Variants in ANK3 observed in about 807,000 individuals in gnomAD.
The protein encoded by ANK3 is ankyrin-3.
In ANK3, 57 loss-of-function variants were observed where a neutral mutation model predicts 370.9. That is an observed-to-expected ratio of 0.15 (90% CI 0.12 to 0.19). The LOEUF (loss-of-function observed/expected upper bound fraction) is 0.19. Ranked by LOEUF, ANK3 falls within the 10% of genes least tolerant of loss-of-function variation. The pLI, the probability that ANK3 is intolerant of heterozygous loss-of-function variation, is 1.00. For missense variants in ANK3, 4,439 were observed against 5,302.1 expected (o/e 0.84, Z 5.06); for synonymous variants, 1,929 against 1,946.3 (o/e 0.99, Z 0.23).
At chr10:60,266,140 A>T (rs1464502022) in intron 5 of ANK3, among the ~76,000 whole-genome samples, 1 of 152,206 alleles carries the variant, frequency 6.6e-6, no homozygotes, top group Non-Finnish European at 1.5e-5. Flanking sequence ...GATAACAAAC[A>T]GGGAAAGACT....
intron 18 of ANK3, among the ~76,000 whole-genome samples, chr10:60,173,762 G>A (rs1049985215): frequency 2.6e-5 from 4 of 152,152 alleles, no homozygotes; most frequent in Non-Finnish European, 5.9e-5. Context: ...TTCCTACCTA[G>A]AGTCCCAGAG....
intron 1 of ANK3, among the ~76,000 whole-genome samples, chr10:60,632,762 T>C (rs547964536): frequency 6.6e-6 from 1 of 152,094 alleles, no homozygotes; most frequent in African/African-American, 2.4e-5. Context: ...CAGTGGCTCA[T>C]ACCTATAGTA....
At chr10:60,043,141 A>G (rs928657885) in intron 42 of ANK3, 1 of 996,270 alleles carries the variant, frequency 1.0e-6, no homozygotes, top group African/African-American at 1.7e-5. Flanking sequence ...GTACTAATCC[A>G]TGGAAATGCT....
chr10:60,618,161 C>T (rs903108401), intron 1 of ANK3, among the ~76,000 whole-genome samples: 2 of 152,116 alleles, frequency 1.3e-5, no homozygotes, highest in Non-Finnish European at 2.9e-5. Context: ...AATGCACACC[C>T]ACGTTATCTG....
At chr10:60,529,150 C>T (rs1166550909) in intron 2 of ANK3, among the ~76,000 whole-genome samples, 1 of 152,042 alleles carries the variant, frequency 6.6e-6, no homozygotes, top group East Asian at 1.9e-4. Flanking sequence ...ACAGCAGTTG[C>T]TCTCCCGAGA....
At position 60,512,699 on chromosome 10, in the gene ANK3, A is replaced by G. The variant is rs12249253; in HGVS notation, c.96+102487T>C. On this transcript the variant is annotated intron_variant, in intron 2 of 43. Coordinates refer to the ANK3 transcript ENST00000373827. ...GAAAAATTGTCCTTGAGGGAATAAG[A>G]TTTTTTAGAATATTACTGACTATGG... Among the ~76,000 whole-genome samples the G allele has an allele frequency of 3.9e-3, 595 of 152,238 alleles. 3 individuals are homozygous for G. The highest frequency in any genetic ancestry group is 0.013 in the African/African-American group (542 of 41,550).
At chr10:60,341,106 T>C (rs2054186361) in intron 1 of ANK3, among the ~76,000 whole-genome samples, 1 of 152,176 alleles carries the variant, frequency 6.6e-6, no homozygotes, top group African/African-American at 2.4e-5. Flanking sequence ...TCCTCAGTCA[T>C]TGATGCTGCT....
chr10:60,684,510 G>A (rs2133394795), intron 1 of ANK3: 1 of 1,495,584 alleles, frequency 6.7e-7, no homozygotes, highest in East Asian at 2.3e-5. Flanking sequence ...TGGAAATGGG[G>A]AATGGACTAT....
intron 7 of ANK3, among the ~76,000 whole-genome samples, chr10:60,242,407 A>C (rs2097479311): frequency 6.6e-6 from 1 of 152,198 alleles, no homozygotes; most frequent in Non-Finnish European, 1.5e-5. Context: ...TCCAAAAATA[A>C]AGATGACTTT....
At chr10:60,481,479 T>A (rs1025106837) in intron 2 of ANK3, among the ~76,000 whole-genome samples, 11 of 146,790 alleles carry the variant, frequency 7.5e-5, no homozygotes, top group Non-Finnish European at 9.0e-5. Context: ...ATATATATAT[T>A]TGAGATAGAG....
chr10:60,171,709 A>G (rs2095798912), intron 21 of ANK3, among the ~76,000 whole-genome samples: 1 of 152,198 alleles, frequency 6.6e-6, no homozygotes, highest in South Asian at 2.1e-4. Flanking sequence ...GCAGCTTGTA[A>G]AAATGTAGTT....
intron 1 of ANK3, among the ~76,000 whole-genome samples, chr10:60,687,210 T>C (rs2079279937): frequency 6.6e-6 from 1 of 152,186 alleles, no homozygotes. Context: ...CAACTGTATA[T>C]ATCGCAGTCC....
rs1447251850 is a variant in ANK3 at position 60,075,836 on chromosome 10, A to T, written c.5045T>A (p.Val1682Asp). 6.2e-7 allele frequency: 1 copy of T among 1,614,188 alleles called. No individual in the cohort carries two copies. The highest frequency in any genetic ancestry group is 1.7e-5 in the Admixed American group (1 of 60,026). The change falls in exon 37 of 44, where the codon GTT (valine) becomes GAT (aspartate). Residue 1682 changes from valine (V) to aspartate (D), a missense_variant. Transcript: ENST00000280772. ...TGAAATGACATCAACTGCTGATTTA[A>T]CTGGAGACACCACTGACTTTAAAGG... ...SSPLKSVVSP[V>D]KSAVDVISSA... is the part of the protein sequence containing the mutation.
intron 2 of ANK3, among the ~76,000 whole-genome samples, chr10:60,479,592 A>G (rs1177221080): frequency 6.6e-6 from 1 of 152,174 alleles, no homozygotes; most frequent in East Asian, 1.9e-4. Context: ...TTACAGAATT[A>G]TATGTCAGCT....
At chr10:60,520,413 A>G (rs908278146) in intron 2 of ANK3, among the ~76,000 whole-genome samples, 1 of 152,106 alleles carries the variant, frequency 6.6e-6, no homozygotes, top group Non-Finnish European at 1.5e-5. Flanking sequence ...TACACTACCT[A>G]AATCTAAAAT....
At chr10:60,100,836 A>G (rs1395616180) in intron 28 of ANK3, among the ~76,000 whole-genome samples, 2 of 152,352 alleles carry the variant, frequency 1.3e-5, no homozygotes, top group African/African-American at 4.8e-5. Context: ...TGTAAAACAA[A>G]GCATACACAC....
chr10:60,548,516 T>C (rs970728191), intron 2 of ANK3, among the ~76,000 whole-genome samples: 1 of 151,922 alleles, frequency 6.6e-6, no homozygotes, highest in East Asian at 1.9e-4. Flanking sequence ...TCCCAAAGTG[T>C]TGGGATAACA....
At chr10:60,294,772 G>T (rs375094597) in intron 1 of ANK3, among the ~76,000 whole-genome samples, 3 of 152,174 alleles carry the variant, frequency 2.0e-5, no homozygotes, top group African/African-American at 7.2e-5. Flanking sequence ...ATCTGTAAGT[G>T]ACATTTATAT....
intron 2 of ANK3, among the ~76,000 whole-genome samples, chr10:60,441,259 T>A (rs1383751563): frequency 2.0e-5 from 3 of 152,148 alleles, no homozygotes; most frequent in Non-Finnish European, 4.4e-5. Context: ...CACTCCTGAT[T>A]TTAGAGATGA....
Sources: gnomAD v4.1 joint callset for allele counts (sites outside exome capture counted in the v4.1 genomes callset) on GRCh38, gnomAD v4.1.1 for gene constraint, MANE v1.5 for transcripts, NCBI Gene and HGNC (gene_info 2026-07-23, HGNC 2026-07-21) for gene names.